Variants in ADGRA3 observed in about 807,000 individuals in gnomAD.
ADGRA3 encodes adhesion G protein-coupled receptor A3.
ADGRA3 carries 56 observed loss-of-function variants against 119.8 expected under a neutral mutation model. The ratio of observed to expected loss-of-function variants is 0.47; its 90% CI spans 0.38 to 0.58. ADGRA3 has a LOEUF of 0.58. ADGRA3 is among the 20% of genes least tolerant of loss of function. The pLI is 0.00. For synonymous variants in ADGRA3, 607 were observed against 623.8 expected, an observed-to-expected ratio of 0.97 and a Z score of 0.40; for missense variants, 1,516 against 1,649.0, an observed-to-expected ratio of 0.92 and a Z score of 1.40.
At chr4:22,483,985 CA>C (rs1452692302) in intron 1 of ADGRA3, among the ~76,000 whole-genome samples, 2 of 86,998 alleles carry the variant, frequency 2.3e-5, no homozygotes, top group Admixed American at 1.1e-4. Context: ...TGCATGATTA[CA>C]TTTTTTTTAA....
At chr4:22,438,557 T>A in intron 7 of ADGRA3, 137 bp from the exon 8 acceptor site, 1 of 671,060 alleles carries the variant, frequency 1.5e-6, no homozygotes. Context: ...TAAAAATGAA[T>A]TTAAAAAATG....
chr4:22,387,945 A>C lies in ADGRA3; in HGVS notation c.3726T>G (p.Ala1242=). 6.2e-7 allele frequency: 1 copy of C among 1,614,154 alleles called. No homozygotes were observed. Among genetic ancestry groups the C allele is most frequent in the Non-Finnish European group, 8.5e-7 (1 of 1,180,010 alleles). The change falls in exon 19 of 19, where the codon GCT becomes GCG. Residue 1242 remains alanine, a synonymous_variant. Transcript: ENST00000334304. ...YNPPQQDSSD[A]CSTLPKSSRN... is the part of the protein sequence containing the mutation. Reference sequence around the variant, plus strand: ...TGCTACTTTTGGGAAGTGTGCTACAAGCATCGCTGCTGTCTTGCTGGGGTG... The same window carrying C: ...TGCTACTTTTGGGAAGTGTGCTACACGCATCGCTGCTGTCTTGCTGGGGTG...
intron 1 of ADGRA3, among the ~76,000 whole-genome samples, chr4:22,487,004 G>T (rs566581047): frequency 6.6e-6 from 1 of 151,906 alleles, no homozygotes; most frequent in East Asian, 1.9e-4. Flanking sequence ...GATAGTGGAC[G>T]TTTTCATTAT....
At chr4:22,396,728 T>C (rs1031124051) in intron 16 of ADGRA3, among the ~76,000 whole-genome samples, 2 of 151,018 alleles carry the variant, frequency 1.3e-5, no homozygotes, top group Non-Finnish European at 2.9e-5. Flanking sequence ...AAACACATTA[T>C]AAACATAGAA....
intron 5 of ADGRA3, among the ~76,000 whole-genome samples, chr4:22,445,663 C>CTAGGGTAGGGACTG (rs1327433211): frequency 6.6e-6 from 1 of 152,156 alleles, no homozygotes; most frequent in East Asian, 1.9e-4. Context: ...GTGAACTTCC[C>CTAGGGTAGGGACTG]TAGGGTAGGG....
Position 22,388,223 on chromosome 4 carries a change from CATT to C in ADGRA3, c.3445_3447del (p.Asn1149del). 6.2e-7 allele frequency: 1 copy of C among 1,614,004 alleles called. No homozygotes were observed. The highest frequency in any genetic ancestry group is 8.5e-7 in the Non-Finnish European group (1 of 1,179,982). On this transcript the variant is annotated inframe_deletion, in exon 19 of 19. Transcript: ENST00000334304. Reference sequence around the variant, plus strand: ...AAAGGCGCCACGTGCATTTTAATATCATTGTCCATTGAATGTTCTGTCAGACTA... The same window carrying C: ...AAAGGCGCCACGTGCATTTTAATATCGTCCATTGAATGTTCTGTCAGACTA...
chr4:22,440,354 ACTC>A (rs1208259961), intron 7 of ADGRA3, among the ~76,000 whole-genome samples: 1 of 152,132 alleles, frequency 6.6e-6, no homozygotes, highest in Non-Finnish European at 1.5e-5. Context: ...TTCAATTTCA[ACTC>A]CTAAGAAAAA....
chr4:22,449,438 G>A (rs778247156), intron 4 of ADGRA3, among the ~76,000 whole-genome samples: 1 of 151,998 alleles, frequency 6.6e-6, no homozygotes, highest in Non-Finnish European at 1.5e-5. Context: ...GCTAAGACAG[G>A]GTAATGGGTA....
Position 22,417,257 on chromosome 4 carries a change from G to A in ADGRA3, c.1810-3443C>T, listed in dbSNP as rs573473678. Among the ~76,000 whole-genome samples the A allele has an allele frequency of 3.3e-5, 5 of 152,074 alleles. No individual in the cohort carries two copies. The East Asian group carries it at 5.8e-4, about 18-fold the overall frequency. On this transcript the variant is annotated intron_variant, in intron 12 of 18. Coordinates refer to ENST00000334304, the MANE Select transcript of ADGRA3 (RefSeq NM_145290.4). ...TTAAGTTTGGCTGTTAATTTTATTC[G>A]ACATTTATTGAATGTTTAGTTACTC... is the stretch of plus-strand genomic sequence containing the variant.
intron 14 of ADGRA3, among the ~76,000 whole-genome samples, chr4:22,405,989 T>G (rs1714903916): frequency 6.6e-6 from 1 of 152,144 alleles, no homozygotes; most frequent in Non-Finnish European, 1.5e-5. Context: ...TCCCAGCCTC[T>G]GGTATTTTCC....
intron 2 of ADGRA3, among the ~76,000 whole-genome samples, chr4:22,462,111 A>G (rs1277481112): frequency 1.3e-5 from 2 of 152,208 alleles, no homozygotes; most frequent in Admixed American, 6.5e-5. Flanking sequence ...AATCATATAC[A>G]TTATTTCTAT....
intron 14 of ADGRA3, among the ~76,000 whole-genome samples, chr4:22,406,039 C>G (rs79251431): frequency 1.3e-5 from 2 of 152,072 alleles, no homozygotes; most frequent in Admixed American, 1.3e-4. Context: ...TTTTTCAGCT[C>G]CCACATATGA....
chr4:22,390,347 AT>A (rs1203413659), intron 17 of ADGRA3, among the ~76,000 whole-genome samples: 22 of 93,868 alleles, frequency 2.3e-4, no homozygotes, highest in African/African-American at 1.3e-3. Context: ...TAAAATACAT[AT>A]TATATATATA....
At position 22,515,745 on chromosome 4, in the gene ADGRA3, G is replaced by C; in HGVS notation, c.40C>G (p.Pro14Ala). The change falls in exon 1 of 19, where the codon CCG (proline) becomes GCG (alanine). Residue 14 changes from proline to alanine, a missense_variant. Physicochemically the swap from Pro to Ala is conservative, Grantham distance 27. Around this residue, in one of 2 missense-constraint regions of ADGRA3, gnomAD observed 428 missense variants for 541.9 expected, o/e 0.79. Transcript: ENST00000334304. ...PGRRRGRAQP[P>A]LLLPLSLLAL... ...AACAGCGAGAGCGGCAGCAACAGCG[G>C]CGGCTGCGCGCGGCCCCGCCGGCGT... 1 of 1,030,436 alleles carries C rather than the reference G, an allele frequency of 9.7e-7. No individual in the cohort carries two copies. Among genetic ancestry groups the C allele is most frequent in the Middle Eastern group, 4.7e-4 (1 of 2,110 alleles). 63.8% of individuals were successfully genotyped at this position (1,030,436 alleles called of 1,614,324 possible). A position where few individuals can be genotyped will look rare whatever the true frequency, so the allele number is the denominator to read the frequency against.
intron 2 of ADGRA3, among the ~76,000 whole-genome samples, chr4:22,464,852 T>G (rs796240635): frequency 6.6e-6 from 1 of 152,232 alleles, no homozygotes; most frequent in Non-Finnish European, 1.5e-5. Flanking sequence ...GGGAAGACAC[T>G]GCCCTAACGG....
intron 10 of ADGRA3, among the ~76,000 whole-genome samples, chr4:22,427,115 TAA>T: frequency 6.6e-6 from 1 of 152,230 alleles, no homozygotes; most frequent in East Asian, 1.9e-4. Flanking sequence ...TATGCAAAAA[TAA>T]AAGAGGTAAA....
At chr4:22,488,356 TAAAAA>T (rs5856699) in intron 1 of ADGRA3, among the ~76,000 whole-genome samples, 2 of 146,308 alleles carry the variant, frequency 1.4e-5, no homozygotes, top group Non-Finnish European at 3.0e-5. Flanking sequence ...TATGAAGCTT[TAAAAA>T]AAAAAAAAAG....
intron 10 of ADGRA3, among the ~76,000 whole-genome samples, chr4:22,430,202 T>C (rs376382603): frequency 6.6e-6 from 1 of 152,072 alleles, no homozygotes; most frequent in Non-Finnish European, 1.5e-5. Context: ...ATTAGTAGCA[T>C]GAAAATGGAC....
At chr4:22,481,398 C>A (rs1718257160) in intron 1 of ADGRA3, among the ~76,000 whole-genome samples, 1 of 152,228 alleles carries the variant, frequency 6.6e-6, no homozygotes, top group Middle Eastern at 3.4e-3. Context: ...AGCAAAAAAA[C>A]CCAGCCAGCC....
Sources: gnomAD v4.1 joint callset for allele counts (sites outside exome capture counted in the v4.1 genomes callset) on GRCh38, gnomAD v4.1.1 for gene constraint, gnomAD v4.1.1 regional missense constraint, MANE v1.5 for transcripts, NCBI Gene and HGNC (gene_info 2026-07-23, HGNC 2026-07-21) for gene names.